The following ATF7IP variants were observed in gnomAD, a reference collection of about 807,000 sequenced individuals.
ATF7IP encodes the protein activating transcription factor 7 interacting protein, also known as activating transcription factor 7-interacting protein 1.
ATF7IP carries 23 observed loss-of-function variants against 106.4 expected under a neutral mutation model. That is an observed-to-expected ratio of 0.22 (90% CI 0.16 to 0.31). ATF7IP has a LOEUF of 0.31. Ranked by LOEUF, ATF7IP falls within the 10% of genes least tolerant of loss-of-function variation. The probability of loss-of-function intolerance (pLI) is 1.00; values close to 1 mark genes in which losing one functional copy is unlikely to be tolerated. For synonymous variants in ATF7IP, 542 were observed against 539.0 expected, an observed-to-expected ratio of 1.01 and a Z score of -0.08; for missense variants, 1,334 against 1,524.3, an observed-to-expected ratio of 0.88 and a Z score of 2.08.
intron 6 of ATF7IP, among the ~76,000 whole-genome samples, chr12:14,453,813 C>G (rs1327516323): frequency 6.6e-6 from 1 of 152,056 alleles, no homozygotes; most frequent in Non-Finnish European, 1.5e-5. Flanking sequence ...TTAGTAGATA[C>G]AAGCTTTCAC....
chr12:14,415,311 A>T (rs928576799), intron 1 of ATF7IP, among the ~76,000 whole-genome samples: 6 of 152,146 alleles, frequency 3.9e-5, no homozygotes, highest in African/African-American at 9.7e-5. Context: ...TGACTTGGAG[A>T]AGTAATTTTA....
chr12:14,379,022 C>T (rs1209605828), intron 1 of ATF7IP, among the ~76,000 whole-genome samples: 2 of 152,148 alleles, frequency 1.3e-5, no homozygotes, highest in African/African-American at 2.4e-5. Context: ...GAATTTTGTA[C>T]ACCATTGATA....
intron 10 of ATF7IP, among the ~76,000 whole-genome samples, chr12:14,468,484 G>T (rs1452399903): frequency 2.2e-5 from 1 of 45,250 alleles, no homozygotes; most frequent in East Asian, 5.5e-4. Flanking sequence ...CTATAAAAAA[G>T]AAGAAACTTA....
intron 2 of ATF7IP, among the ~76,000 whole-genome samples, chr12:14,426,124 C>G (rs1302933435): frequency 6.6e-6 from 1 of 152,098 alleles, no homozygotes; most frequent in African/African-American, 2.4e-5. Flanking sequence ...ATCTCTGTTA[C>G]TTTTAGGTTG....
intron 1 of ATF7IP, among the ~76,000 whole-genome samples, chr12:14,407,483 G>T (rs965053735): frequency 4.0e-5 from 6 of 151,150 alleles, no homozygotes; most frequent in Non-Finnish European, 7.4e-5. Context: ...ACTATACATT[G>T]TTTGACATCT....
intron 1 of ATF7IP, among the ~76,000 whole-genome samples, chr12:14,379,633 A>G (rs574151786): frequency 1.3e-4 from 20 of 152,140 alleles, no homozygotes; most frequent in Admixed American, 4.6e-4. Flanking sequence ...TTTAAAGACA[A>G]TGCATGTTTG....
At chr12:14,440,805 A>C (rs1159650084) in intron 5 of ATF7IP, among the ~76,000 whole-genome samples, 1 of 152,106 alleles carries the variant, frequency 6.6e-6, no homozygotes, top group Non-Finnish European at 1.5e-5. Flanking sequence ...GGCAACCACT[A>C]ATCTGCTGTC....
chr12:14,442,808 A>C (rs528987038), intron 5 of ATF7IP, among the ~76,000 whole-genome samples: 1 of 152,304 alleles, frequency 6.6e-6, no homozygotes, highest in African/African-American at 2.4e-5. Flanking sequence ...GGGATTCTTT[A>C]AGAACGTTTT....
chr12:14,387,096 C>T (rs1055977743), intron 1 of ATF7IP, among the ~76,000 whole-genome samples: 5 of 152,008 alleles, frequency 3.3e-5, no homozygotes, highest in Admixed American at 2.6e-4. Context: ...ATTTTTGTTT[C>T]ACTTTAGTCA....
chr12:14,443,553 T>A (rs764435773), intron 5 of ATF7IP, among the ~76,000 whole-genome samples: 22 of 152,182 alleles, frequency 1.4e-4, no homozygotes, highest in Non-Finnish European at 2.4e-4. Flanking sequence ...TGGTCATTCA[T>A]GGAAAAAACA....
intron 1 of ATF7IP, among the ~76,000 whole-genome samples, chr12:14,413,798 G>A (rs1470238079): frequency 1.3e-5 from 2 of 151,660 alleles, no homozygotes; most frequent in Non-Finnish European, 2.9e-5. Flanking sequence ...GTTAATAAAA[G>A]GCAGAATTTA....
In ATF7IP at chr12:14,423,896, T is replaced by C; in HGVS notation, c.-7-13T>C. 6.4e-7 allele frequency: 1 copy of C among 1,554,952 alleles called. No individual in the cohort carries two copies. The highest frequency in any genetic ancestry group is 2.2e-5 in the East Asian group (1 of 44,470). ...TTTCAGTTATTAAACTCTCTTTCTC[T>C]TTTTTCTTAAAGATTCAGAATGGAC... On this transcript the variant is annotated splice_polypyrimidine_tract_variant and intron_variant, in intron 1 of 14. Coordinates refer to ENST00000261168, the MANE Select transcript of ATF7IP (RefSeq NM_018179.5).
At chr12:14,385,116 C>A (rs1193944164) in intron 1 of ATF7IP, 2 of 359,408 alleles carry the variant, frequency 5.6e-6, no homozygotes, top group Non-Finnish European at 1.0e-5. Flanking sequence ...CTTCTGTTTT[C>A]TTTTTCTGTG....
chr12:14,404,133 T>TA (rs1940420128), intron 1 of ATF7IP, among the ~76,000 whole-genome samples: 2 of 446 alleles, frequency 4.5e-3, no homozygotes, highest in Admixed American at 0.045. Context: ...ATTTGTAAGC[T>TA]TTTTTTTTTT....
chr12:14,394,989 C>T (rs185168296), intron 1 of ATF7IP: 19 of 152,060 alleles, frequency 1.2e-4, no homozygotes, highest in Admixed American at 1.1e-3. Context: ...TATTGTCTGA[C>T]GTTTTTTGGC....
chr12:14,475,799 T>C, intron 10 of ATF7IP, 91 bp from the exon 11 acceptor site: 1 of 931,564 alleles, frequency 1.1e-6, no homozygotes, highest in Non-Finnish European at 1.6e-6. Context: ...GGTTACTCAT[T>C]AGTCTCATTT....
intron 1 of ATF7IP, among the ~76,000 whole-genome samples, chr12:14,416,354 T>C (rs1941206424): frequency 6.6e-6 from 1 of 152,176 alleles, no homozygotes; most frequent in African/African-American, 2.4e-5. Context: ...AAATTTTTAT[T>C]CAGAAAAATG....
intron 1 of ATF7IP, among the ~76,000 whole-genome samples, chr12:14,414,532 T>C (rs886417957): frequency 2.8e-4 from 42 of 152,210 alleles, no homozygotes; most frequent in African/African-American, 1.0e-3. Flanking sequence ...AGTTCTTTCA[T>C]TGTGGCCTAG....
chr12:14,481,023 A>C lies in ATF7IP; in HGVS notation c.3118A>C (p.Thr1040Pro). The C allele has an allele frequency of 6.2e-7, 1 of 1,613,972 alleles. No individual in the cohort carries two copies. The highest frequency in any genetic ancestry group is 8.5e-7 in the Non-Finnish European group (1 of 1,179,924). The change falls in exon 13 of 15, where the codon ACA becomes CCA. Residue 1040 changes from threonine to proline, a missense_variant. By Grantham distance (38) the Thr-to-Pro change is conservative (BLOSUM62 -1). Around this residue, in one of 10 missense-constraint regions of ATF7IP, gnomAD observed 370 missense variants for 401.2 expected, o/e 0.92. Coordinates refer to ENST00000261168, the MANE Select transcript of ATF7IP (RefSeq NM_018179.5). ...ATTAGCTCCAACTACCGTGAATGTA[A>C]CACATCGTCCAGTAACTCAGGTGAC... ...LPTAPTTVNV[T>P]HRPVTQVTTR... is the part of the protein sequence containing the mutation.
Sources: gnomAD v4.1 joint callset for allele counts (sites outside exome capture counted in the v4.1 genomes callset) on GRCh38, gnomAD v4.1.1 for gene constraint, gnomAD v4.1.1 regional missense constraint, MANE v1.5 for transcripts, NCBI Gene and HGNC (gene_info 2026-07-23, HGNC 2026-07-21) for gene names.